Variants in OSGEPL1 observed in about 807,000 individuals in gnomAD.
OSGEPL1 encodes tRNA N6-adenosine threonylcarbamoyltransferase, mitochondrial.
In OSGEPL1, 26 loss-of-function variants were observed where a neutral mutation model predicts 37.2. The observed-to-expected ratio is 0.70, with a 90% CI of 0.51 to 0.97. The LOEUF is 0.97. Among genes scored for constraint, OSGEPL1 ranks in the 50% least tolerant of loss-of-function variants. The pLI, the probability that OSGEPL1 is intolerant of heterozygous loss-of-function variation, is 0.00. For missense variants in OSGEPL1, 404 were observed against 487.0 expected (o/e 0.83, Z 1.60); for synonymous variants, 140 against 159.9 (o/e 0.88, Z 0.94).
chr2:189,758,666 C>T (rs780016850), intron 2 of OSGEPL1, among the ~76,000 whole-genome samples: 7 of 152,186 alleles, frequency 4.6e-5, no homozygotes, highest in Admixed American at 4.6e-4. Context: ...GAAGGCCTAA[C>T]GAAAGGCCAC....
chr2:189,747,139 C>T lies in OSGEPL1; in HGVS notation c.*58G>A, dbSNP rs2044254546. On this transcript the variant is annotated 3_prime_UTR_variant, in exon 9 of 9. Coordinates refer to ENST00000264151, the MANE Select transcript of OSGEPL1 (RefSeq NM_022353.3). ...TCACTTGAATTCAGCAGTTCAGGAC[C>T]AGCCCGGGCAACATGGCAAGAGCCT... is the stretch of plus-strand genomic sequence containing the variant. The T allele has an allele frequency of 6.6e-6, 1 of 152,662 alleles. No homozygotes were observed. Among genetic ancestry groups the T allele is most frequent in the Non-Finnish European group, 1.5e-5 (1 of 68,616 alleles). The allele number at this position is 152,662 out of a possible 1,614,324, so 9.5% of individuals were successfully genotyped here.
In OSGEPL1 at chr2:189,752,656, G is replaced by C; in HGVS notation, c.1163C>G (p.Pro388Arg). The C allele has an allele frequency of 6.2e-7, 1 of 1,613,512 alleles. No individual in the cohort carries two copies. Among genetic ancestry groups the C allele is most frequent in the Non-Finnish European group, 8.5e-7 (1 of 1,179,762 alleles). The change falls in exon 7 of 9, where the codon CCA (proline) becomes CGA (arginine). Residue 388 changes from proline to arginine, a missense_variant. Physicochemically the swap from Pro to Arg is moderately radical, Grantham distance 103. Transcript: ENST00000264151. ...LHDIEGIRYE[P>R]KCPLGVDISK... ...GATCATGAATGATACCACATACTTT[G>C]GTTCATAGCGGATGCCTTCTATGTC...
At chr2:189,760,103 G>A (rs1350774326) in intron 2 of OSGEPL1, among the ~76,000 whole-genome samples, 1 of 152,218 alleles carries the variant, frequency 6.6e-6, no homozygotes, top group Non-Finnish European at 1.5e-5. Flanking sequence ...AGCATCCCAA[G>A]GCAGAAGGAT....
chr2:189,758,512 C>G (rs1328668441), intron 2 of OSGEPL1, among the ~76,000 whole-genome samples: 2 of 152,224 alleles, frequency 1.3e-5, no homozygotes, highest in Non-Finnish European at 2.9e-5. Context: ...GAAGCAGATG[C>G]TGCCACGCTT....
At chr2:189,754,582 A>G (rs1306799050) in intron 3 of OSGEPL1, 2 of 465,302 alleles carry the variant, frequency 4.3e-6, no homozygotes, top group Non-Finnish European at 7.5e-6. Flanking sequence ...TTGCTCTTCT[A>G]TTGGTTGGAA....
chr2:189,752,623 T>C lies in OSGEPL1; in HGVS notation c.1166+30A>G, dbSNP rs372468077. The stretch of plus-strand genomic sequence containing the variant: ...AGGCTTTGTCTTAAGTAATGTAACT[T>C]GCATAAAGATCATGAATGATACCAC... On this transcript the variant is annotated intron_variant, in intron 7 of 8. Coordinates refer to ENST00000264151, the MANE Select transcript of OSGEPL1 (RefSeq NM_022353.3). 4.3e-6 allele frequency: 7 copies of C among 1,609,470 alleles called. No homozygotes were observed. In the African/African-American group the frequency reaches 6.7e-5, roughly 15 times the overall value.
chr2:189,750,452 A>T (rs114137937), intron 8 of OSGEPL1, 98 bp downstream of exon 8: 486,475 of 507,850 alleles, frequency 0.96, 232,657 homozygotes, highest in Admixed American at 0.97. Context: ...CATCAAATAG[A>T]AAAAAAAAAA....
In OSGEPL1 at chr2:189,762,744, T is replaced by G; in HGVS notation, c.-80A>C. On this transcript the variant is annotated 5_prime_UTR_variant, in exon 1 of 9. Coordinates refer to ENST00000264151, the MANE Select transcript of OSGEPL1 (RefSeq NM_022353.3). Reference sequence around the variant, plus strand: ...CCTTTCCCTACTAAAGACTGTCGACTGCCCTTATCGCTGCAGGAGAAAGCC... The same window carrying G: ...CCTTTCCCTACTAAAGACTGTCGACGGCCCTTATCGCTGCAGGAGAAAGCC... 1 of 985,512 alleles carries G rather than the reference T, an allele frequency of 1.0e-6. No individual in the cohort carries two copies. Among genetic ancestry groups the G allele is most frequent in the Non-Finnish European group, 1.2e-6 (1 of 830,006 alleles). The allele number at this position is 985,512 out of a possible 1,614,324, so 61.0% of individuals were successfully genotyped here.
At chr2:189,749,307 A>G (rs2044720421) in intron 8 of OSGEPL1, among the ~76,000 whole-genome samples, 1 of 148,410 alleles carries the variant, frequency 6.7e-6, no homozygotes, top group Non-Finnish European at 1.5e-5. Context: ...TTTTTTAAAC[A>G]ATGTGTGAAA....
chr2:189,748,255 G>A (rs1325679999), intron 8 of OSGEPL1, among the ~76,000 whole-genome samples: 1 of 152,190 alleles, frequency 6.6e-6, no homozygotes, highest in East Asian at 1.9e-4. Context: ...CAGGTTGGAC[G>A]GCAATAGTGC....
chr2:189,762,794 T>C (rs972022629), upstream of OSGEPL1: 2 of 985,394 alleles, frequency 2.0e-6, no homozygotes, highest in African/African-American at 3.5e-5. Context: ...GGAAGTGATG[T>C]CATCGGAACT....
intron 7 of OSGEPL1, among the ~76,000 whole-genome samples, chr2:189,751,853 T>G (rs1310653177): frequency 6.6e-6 from 1 of 151,474 alleles, no homozygotes; most frequent in East Asian, 1.9e-4. Context: ...TTGATAGTAA[T>G]TTGAAAAACC....
At chr2:189,750,501 C>T in intron 8 of OSGEPL1, 49 bp downstream of exon 8, 1 of 725,644 alleles carries the variant, frequency 1.4e-6, no homozygotes, top group Non-Finnish European at 2.3e-6. Context: ...ATATCTTCTA[C>T]AATTTGATAC....
intron 8 of OSGEPL1, among the ~76,000 whole-genome samples, chr2:189,749,443 C>T (rs1416564558): frequency 6.6e-6 from 1 of 151,016 alleles, no homozygotes; most frequent in East Asian, 1.9e-4. Context: ...GAAAGGCCTC[C>T]AGATATAGAG....
At chr2:189,756,417 A>T (rs568380373) in intron 2 of OSGEPL1, among the ~76,000 whole-genome samples, 25 of 152,314 alleles carry the variant, frequency 1.6e-4, no homozygotes, top group African/African-American at 6.0e-4. Flanking sequence ...TTCAAAAAAA[A>T]ATCATCTTCC....
chr2:189,750,495 C>A, intron 8 of OSGEPL1, 55 bp downstream of exon 8: 5 of 692,082 alleles, frequency 7.2e-6, no homozygotes, highest in East Asian at 5.8e-5. Flanking sequence ...TATTATATAT[C>A]TTCTACAATT....
intron 5 of OSGEPL1, among the ~76,000 whole-genome samples, chr2:189,753,489 A>G (rs558020292): frequency 2.2e-4 from 33 of 152,206 alleles, no homozygotes; most frequent in Non-Finnish European, 4.3e-4. Flanking sequence ...GTGGATTATC[A>G]GAACTTTATC....
chr2:189,760,845 T>A (rs1480769918), intron 2 of OSGEPL1, among the ~76,000 whole-genome samples: 1 of 152,096 alleles, frequency 6.6e-6, no homozygotes, highest in Non-Finnish European at 1.5e-5. Context: ...AAAATTATAA[T>A]AATCTAATAA....
chr2:189,759,931 G>T (rs534528710), intron 2 of OSGEPL1, among the ~76,000 whole-genome samples: 2 of 152,172 alleles, frequency 1.3e-5, no homozygotes, highest in Admixed American at 1.3e-4. Context: ...ATGTCCCTGG[G>T]TACTTGAGAT....
Sources: allele counts gnomAD v4.1 joint callset (sites outside exome capture counted in the v4.1 genomes callset), GRCh38; gene constraint gnomAD v4.1.1; transcripts MANE v1.5; gene names NCBI Gene and HGNC (gene_info 2026-07-23, HGNC 2026-07-21).